Variants in SELENOT observed in about 807,000 individuals in gnomAD.
SELENOT encodes the protein thioredoxin reductase-like selenoprotein T.
SELENOT carries 9 observed loss-of-function variants against 24.3 expected under a neutral mutation model. That is an observed-to-expected ratio of 0.37 (90% CI 0.22 to 0.65). The LOEUF is 0.65. Ranked by LOEUF, SELENOT falls within the 30% of genes least tolerant of loss-of-function variation. The pLI, the probability that SELENOT is intolerant of heterozygous loss-of-function variation, is 0.60. For missense variants in SELENOT, 166 were observed against 247.6 expected (o/e 0.67, Z 2.21); for synonymous variants, 81 against 86.0 (o/e 0.94, Z 0.32).
intron 1 of SELENOT, among the ~76,000 whole-genome samples, chr3:150,612,756 T>G (rs531531846): frequency 6.6e-6 from 1 of 152,346 alleles, no homozygotes; most frequent in South Asian, 2.1e-4. Flanking sequence ...CATCTTCTTA[T>G]TTTGCCCATA....
intron 1 of SELENOT, chr3:150,611,139 C>G (rs1160324433): frequency 1.7e-6 from 1 of 604,456 alleles, no homozygotes; most frequent in African/African-American, 1.9e-5. Flanking sequence ...TTATTAGAGT[C>G]AGAAACAAAG....
At chr3:150,608,995 C>T (rs12485417) in intron 1 of SELENOT, among the ~76,000 whole-genome samples, 34,554 of 152,046 alleles carry the variant, frequency 0.23, 4,318 homozygotes, top group East Asian at 0.47. Flanking sequence ...TTCTTTCTCT[C>T]GCCTGATTGT....
At chr3:150,613,345 T>G (rs1057367319) in intron 1 of SELENOT, among the ~76,000 whole-genome samples, 1 of 152,214 alleles carries the variant, frequency 6.6e-6, no homozygotes, top group Admixed American at 6.5e-5. Flanking sequence ...CTATGCTTTT[T>G]GTAGGACATA....
At chr3:150,624,281 C>CGA (rs1726397973) in intron 3 of SELENOT, among the ~76,000 whole-genome samples, 2 of 152,126 alleles carry the variant, frequency 1.3e-5, no homozygotes, top group Non-Finnish European at 2.9e-5. Flanking sequence ...CTCACTGCAT[C>CGA]CTACTTTTAG....
intron 1 of SELENOT, chr3:150,611,895 T>C: frequency 1.0e-6 from 1 of 1,003,040 alleles, no homozygotes; most frequent in Admixed American, 2.9e-5. Context: ...AGCTCCGGGG[T>C]ACCGGCGCTG....
At chr3:150,615,437 C>T (rs1358796604) in intron 1 of SELENOT, among the ~76,000 whole-genome samples, 1 of 151,784 alleles carries the variant, frequency 6.6e-6, no homozygotes, top group Non-Finnish European at 1.5e-5. Flanking sequence ...TGAGGAATCG[C>T]CACACTGACT....
At chr3:150,619,216 G>A (rs1418070904) in intron 1 of SELENOT, among the ~76,000 whole-genome samples, 127 of 97,282 alleles carry the variant, frequency 1.3e-3, no homozygotes, top group African/African-American at 4.8e-3. Flanking sequence ...GCGAGACTCC[G>A]TCTCAAAAAA....
At chr3:150,611,221 C>A (rs567042794) in intron 1 of SELENOT, 2 of 947,820 alleles carry the variant, frequency 2.1e-6, no homozygotes, top group South Asian at 2.9e-5. Context: ...AAGCGGTAAA[C>A]AGTGTTAACA....
intron 1 of SELENOT, among the ~76,000 whole-genome samples, chr3:150,604,441 C>T (rs1725912760): frequency 6.6e-6 from 1 of 152,130 alleles, no homozygotes; most frequent in Admixed American, 6.5e-5. Context: ...ATGACATTTT[C>T]TCAGGATAAA....
intron 2 of SELENOT, 133 bp downstream of exon 2, chr3:150,622,628 T>A (rs1726366881): frequency 2.3e-6 from 1 of 433,952 alleles, no homozygotes; most frequent in South Asian, 8.1e-5. Flanking sequence ...GAATGCTGTT[T>A]TATATATAAC....
intron 1 of SELENOT, among the ~76,000 whole-genome samples, chr3:150,604,339 G>A (rs13066567): frequency 0.017 from 2,592 of 152,228 alleles, 31 homozygotes; most frequent in Non-Finnish European, 0.028. Context: ...ACGGTAAGTG[G>A]GGTTGCGGGT....
rs1179118218 is a variant in SELENOT at position 150,603,515 on chromosome 3, G to C, written c.137+16G>C. On this transcript the variant is annotated intron_variant, in intron 1 of 5. Transcript: ENST00000471696. ...TCCAGATTTGGTGAGTATGTGCACT[G>C]GGCCCCGGCCACCCCGCCGCGCCTC... 6.4e-7 allele frequency: 1 copy of C among 1,569,654 alleles called. No homozygotes were observed. Among genetic ancestry groups the C allele is most frequent in the Non-Finnish European group, 8.7e-7 (1 of 1,150,408 alleles).
intron 1 of SELENOT, chr3:150,612,004 G>A (rs1726106245): frequency 1.9e-6 from 1 of 529,732 alleles, no homozygotes; most frequent in East Asian, 3.8e-5. Context: ...TGCTGCTGCT[G>A]GCGCCGAAAC....
At position 150,622,455 on chromosome 3, in the gene SELENOT, C is replaced by T. The variant is rs757731001; in HGVS notation, c.208C>T (p.Arg70Cys). The T allele has an allele frequency of 8.7e-6, 13 of 1,497,798 alleles. No homozygotes were observed. The highest frequency in any genetic ancestry group is 1.3e-5 in the South Asian group (1 of 77,232). The allele number at this position is 1,497,798 out of a possible 1,614,324, so 92.8% of individuals were successfully genotyped here. A position where few individuals can be genotyped will look rare whatever the true frequency, so the allele number is the denominator to read the frequency against. Residue 70 changes from arginine (R) to cysteine (C), a missense_variant, in exon 2 of 6, where the codon CGC (arginine) becomes TGC (cysteine). Transcript: ENST00000471696. ...RVISQRYPDIRIEGENYLPQP... is the reference protein window; with the variant it reads ...RVISQRYPDICIEGENYLPQP... ...TATTAGCCAGCGGTACCCAGACATC[C>T]GCATTGAAGGAGAGAATTACCTCCC...
chr3:150,623,127 C>T lies in SELENOT; in HGVS notation c.333C>T (p.Gly111=). The T allele has an allele frequency of 6.2e-7, 1 of 1,605,822 alleles. No homozygotes were observed. The highest frequency in any genetic ancestry group is 8.5e-7 in the Non-Finnish European group (1 of 1,176,290). Residue 111 remains glycine (G), a synonymous_variant, in exon 3 of 6, where the codon GGC becomes GGT. Coordinates refer to ENST00000471696, the MANE Select transcript of SELENOT (RefSeq NM_016275.5). ...IVGKDPFAFF[G]MQAPSIWQWG... ...GCAAGGATCCTTTTGCTTTCTTTGG[C>T]ATGCAAGCTCCTAGCATCTGGCAGT...
chr3:150,605,448 TA>T (rs887526083), intron 1 of SELENOT, among the ~76,000 whole-genome samples: 1 of 151,216 alleles, frequency 6.6e-6, no homozygotes. Flanking sequence ...AAATTAAACT[TA>T]AAAAAAAAGT....
intron 1 of SELENOT, 151 bp downstream of exon 1, chr3:150,603,650 G>A: frequency 1.1e-6 from 1 of 947,240 alleles, no homozygotes; most frequent in East Asian, 2.8e-5. Context: ...GCCTTCTCGC[G>A]GCCCCTTAGC....
chr3:150,622,920 T>A (rs41267889), intron 2 of SELENOT, 123 bp from the exon 3 acceptor site: 61,892 of 870,842 alleles, frequency 0.071, 2,430 homozygotes, highest in Non-Finnish European at 0.081. Flanking sequence ...CTTTAATTGC[T>A]TTTTCTATAA....
intron 1 of SELENOT, among the ~76,000 whole-genome samples, chr3:150,607,195 C>G (rs186535940): frequency 1.3e-5 from 2 of 152,274 alleles, no homozygotes; most frequent in African/African-American, 4.8e-5. Flanking sequence ...TGAGAATCTA[C>G]TGCTGTAATT....
Sources: allele counts gnomAD v4.1 joint callset (sites outside exome capture counted in the v4.1 genomes callset), GRCh38; gene constraint gnomAD v4.1.1; transcripts MANE v1.5; gene names NCBI Gene and HGNC (gene_info 2026-07-23, HGNC 2026-07-21).